BTNL8: variants seen among roughly 807,000 people sequenced by gnomAD.
BTNL8 encodes the protein butyrophilin like 8, also known as butyrophilin-like protein 8.
A neutral mutation model predicts 36.1 loss-of-function variants in BTNL8; 22 were observed. The ratio of observed to expected loss-of-function variants is 0.61; its 90% CI spans 0.44 to 0.87. BTNL8 has a LOEUF of 0.87. BTNL8 is among the 40% of genes least tolerant of loss of function. The pLI, the probability that BTNL8 is intolerant of heterozygous loss-of-function variation, is 0.00. For synonymous variants in BTNL8, 203 were observed against 235.6 expected (o/e 0.86, Z 1.27); for missense variants, 526 against 616.9 (o/e 0.85, Z 1.56).
At position 180,911,428 on chromosome 5, in the gene BTNL8, C is replaced by G. The variant is rs761121379; in HGVS notation, c.487C>G (p.Pro163Ala). ...TCAGTCCTCGGGCTGGTTCCCCCGG[C>G]CCACAGCGAAGTGGAAAGGTCCACA... is the stretch of plus-strand genomic sequence containing the variant. Reference protein sequence around the residue: ...LCQSSGWFPRPTAKWKGPQGQ... With the variant: ...LCQSSGWFPRATAKWKGPQGQ... The change falls in exon 3 of 8, where the codon CCC (proline) becomes GCC (alanine). Residue 163 changes from proline (P) to alanine (A), a missense_variant. By Grantham distance (27) the Pro-to-Ala change is conservative. Coordinates refer to ENST00000340184, the MANE Select transcript of BTNL8 (RefSeq NM_001040462.3). 3.7e-6 allele frequency: 6 copies of G among 1,614,234 alleles called. No individual in the cohort carries two copies. In the South Asian group the frequency reaches 6.6e-5, roughly 18 times the overall value.
chr5:180,928,896 A>C (rs1375516310), intron 3 of BTNL8, among the ~76,000 whole-genome samples: 1 of 152,234 alleles, frequency 6.6e-6, no homozygotes, highest in South Asian at 2.1e-4. Flanking sequence ...TCAGTATTAG[A>C]CAGATCAACG....
At chr5:180,923,955 TACTAAAATA>T (rs929469200) in intron 3 of BTNL8, among the ~76,000 whole-genome samples, 6 of 152,208 alleles carry the variant, frequency 3.9e-5, no homozygotes, top group Non-Finnish European at 7.4e-5. Context: ...TAGATAAGTT[TACTAAAATA>T]ACTAAAATAA....
chr5:180,911,793 A>G (rs1302640703), intron 3 of BTNL8, among the ~76,000 whole-genome samples, 179 bp downstream of exon 3: 2 of 152,234 alleles, frequency 1.3e-5, no homozygotes, highest in African/African-American at 4.8e-5. Flanking sequence ...TTAGGTGGAA[A>G]TAGAATTGTT....
chr5:180,917,407 AACCT>A lies in BTNL8; in HGVS notation c.673+5795_673+5798del, dbSNP rs1757682048. On this transcript the variant is annotated intron_variant, in intron 3 of 7. Coordinates refer to ENST00000340184, the MANE Select transcript of BTNL8 (RefSeq NM_001040462.3). ...AAAATCATAGGCCAACAAACTGGAT[AACCT>A]AGCAGAAACCAAAGACAAGGTTAGA... 6.7e-5 allele frequency among the ~76,000 whole-genome samples: 4 copies of A among 59,282 alleles called. 1 individual carries two copies. The East Asian group carries it at 2.0e-3, about 30-fold the overall frequency. The allele number at this position is 59,282 out of a possible 152,430, so 38.9% of individuals were successfully genotyped here. A position where few individuals can be genotyped will look rare whatever the true frequency, so the allele number is the denominator to read the frequency against.
At chr5:180,937,451 G>A (rs923030213) in intron 3 of BTNL8, among the ~76,000 whole-genome samples, 7 of 152,170 alleles carry the variant, frequency 4.6e-5, no homozygotes, top group South Asian at 4.1e-4. Flanking sequence ...CAGCACCCAC[G>A]TATCCAACCA....
chr5:180,902,673 C>T (rs7712380), intron 1 of BTNL8, among the ~76,000 whole-genome samples: 47,716 of 131,728 alleles, frequency 0.36, 10,212 homozygotes, highest in African/African-American at 0.59. Context: ...TATCCCTCCC[C>T]CCTCCCCCTA....
chr5:180,932,405 G>A (rs2113833991), intron 3 of BTNL8, among the ~76,000 whole-genome samples: 1 of 152,284 alleles, frequency 6.6e-6, no homozygotes, highest in East Asian at 1.9e-4. Flanking sequence ...GGAGTGCAGT[G>A]GCACAATCTT....
At chr5:180,905,259 G>C (rs10479479) in intron 1 of BTNL8, among the ~76,000 whole-genome samples, 54,408 of 146,828 alleles carry the variant, frequency 0.37, 11,175 homozygotes, top group African/African-American at 0.58. Context: ...TCTTGGGAGA[G>C]TGTATGTGTC....
intron 2 of BTNL8, 104 bp downstream of exon 2, chr5:180,909,037 G>C: frequency 8.6e-7 from 1 of 1,163,506 alleles, no homozygotes. Context: ...CATTTAGTTA[G>C]AAGGCAGCAT....
At position 180,950,330 on chromosome 5, in the gene BTNL8, A is replaced by G; in HGVS notation, c.1289A>G (p.Tyr430Cys). ...AACATAAATGACCAGTCCCTTATTT[A>G]TACCCTGACATGTCGGTTTGAAGGC... ...FFNINDQSLI[Y>C]TLTCRFEGLL... Residue 430 changes from tyrosine (Y) to cysteine (C), a missense_variant, in exon 8 of 8, where the codon TAT becomes TGT. Tyr to Cys is a radical substitution (Grantham distance 194). Transcript: ENST00000340184. 6.8e-7 allele frequency: 1 copy of G among 1,463,722 alleles called. No homozygotes were observed. The highest frequency in any genetic ancestry group is 2.4e-5 in the East Asian group (1 of 40,972). The allele number at this position is 1,463,722 out of a possible 1,614,324, so 90.7% of individuals were successfully genotyped here.
chr5:180,915,735 A>G (rs1307891475), intron 3 of BTNL8, among the ~76,000 whole-genome samples: 2 of 152,258 alleles, frequency 1.3e-5, no homozygotes, highest in Non-Finnish European at 2.9e-5. Flanking sequence ...AGGATGGTTC[A>G]ACATATGCAA....
intron 3 of BTNL8, among the ~76,000 whole-genome samples, chr5:180,916,687 A>G (rs375322522): frequency 6.6e-6 from 1 of 152,342 alleles, no homozygotes; most frequent in South Asian, 2.1e-4. Flanking sequence ...AGACTATCGT[A>G]GTTCTCCCTT....
At chr5:180,942,682 T>A (rs1281443488) in intron 3 of BTNL8, among the ~76,000 whole-genome samples, 1 of 151,846 alleles carries the variant, frequency 6.6e-6, no homozygotes, top group East Asian at 1.9e-4. Context: ...CAAGAATATA[T>A]ATTAGAGAAA....
rs867144947 is a variant in BTNL8, at chr5:180,935,949, G to A, written c.674-11563G>A. Among the ~76,000 whole-genome samples the A allele has an allele frequency of 6.0e-5, 9 of 151,104 alleles. No homozygotes were observed. The highest frequency in any genetic ancestry group is 2.1e-4 in the South Asian group (1 of 4,776). ...TTTTTTTTTGGTGTCTTGCTCTGTC[G>A]CCAGGCTGGAGTGCAGTGGCATGAT... On this transcript the variant is annotated intron_variant, in intron 3 of 7. Coordinates refer to ENST00000340184, the MANE Select transcript of BTNL8 (RefSeq NM_001040462.3). The surrounding 1 kb of genome is among the most constrained non-coding windows in gnomAD (Gnocchi z 4.8).
intron 3 of BTNL8, among the ~76,000 whole-genome samples, chr5:180,920,727 C>T (rs1399891059): frequency 6.6e-6 from 1 of 152,054 alleles, no homozygotes; most frequent in African/African-American, 2.4e-5. Context: ...ATGTAAGACA[C>T]TCATACAACT....
intron 7 of BTNL8, chr5:180,949,598 A>G: frequency 3.8e-6 from 2 of 525,540 alleles, no homozygotes; most frequent in Non-Finnish European, 3.4e-6. Context: ...GAGTGGGAGG[A>G]AGTTAGATAG....
chr5:180,900,405 G>A (rs930096931), intron 1 of BTNL8, among the ~76,000 whole-genome samples: 1 of 152,220 alleles, frequency 6.6e-6, no homozygotes, highest in Non-Finnish European at 1.5e-5. Context: ...GCTTGTGCAT[G>A]TAGAGTGCAC....
chr5:180,947,905 C>A, intron 4 of BTNL8: 2 of 1,098,402 alleles, frequency 1.8e-6, no homozygotes, highest in Non-Finnish European at 2.6e-6. Flanking sequence ...TCCATGAACA[C>A]CACCAAGACT....
At chr5:180,907,905 A>C (rs1243577755) in intron 1 of BTNL8, among the ~76,000 whole-genome samples, 1 of 151,670 alleles carries the variant, frequency 6.6e-6, no homozygotes, top group Non-Finnish European at 1.5e-5. Context: ...TGCTGGGAGA[A>C]CCACTGCTCT....
Sources: gnomAD v4.1 joint callset for allele counts (sites outside exome capture counted in the v4.1 genomes callset) on GRCh38, gnomAD v4.1.1 for gene constraint, Gnocchi (gnomAD v3.1) non-coding constraint, MANE v1.5 for transcripts, NCBI Gene and HGNC (gene_info 2026-07-23, HGNC 2026-07-21) for gene names.